CCBE1: variants seen among roughly 807,000 people sequenced by gnomAD.
CCBE1 encodes collagen and calcium-binding EGF domain-containing protein 1.
Under a neutral mutation model 50.0 loss-of-function variants are expected in CCBE1, and 37 were observed. That is an observed-to-expected ratio of 0.74 (90% CI 0.57 to 0.97). The LOEUF (loss-of-function observed/expected upper bound fraction) is 0.97, where lower values mean the gene tolerates loss of function less well. Ranked by LOEUF, CCBE1 falls within the 50% of genes least tolerant of loss-of-function variation. The pLI is 0.00. For missense variants in CCBE1, 538 were observed against 523.8 expected (o/e 1.03, Z -0.26); for synonymous variants, 234 against 203.7 (o/e 1.15, Z -1.27).
intron 2 of CCBE1, among the ~76,000 whole-genome samples, chr18:59,492,407 T>C (rs1302576003): frequency 6.6e-6 from 1 of 152,044 alleles, no homozygotes; most frequent in African/African-American, 2.4e-5. Context: ...AAGGTAACAT[T>C]TCCCAGCCTC....
intron 7 of CCBE1, among the ~76,000 whole-genome samples, chr18:59,441,856 T>C (rs1910441104): frequency 6.6e-6 from 1 of 152,148 alleles, no homozygotes; most frequent in Non-Finnish European, 1.5e-5. Flanking sequence ...AGAGGTGAGA[T>C]AATATCGAAC....
At chr18:59,589,870 A>G (rs1466026525) in intron 2 of CCBE1, among the ~76,000 whole-genome samples, 2 of 151,362 alleles carry the variant, frequency 1.3e-5, no homozygotes, top group Non-Finnish European at 2.9e-5. Context: ...AGGAGTGTAT[A>G]TTTGCTCAAC....
At chr18:59,567,687 T>TC (rs987266763) in intron 2 of CCBE1, among the ~76,000 whole-genome samples, 4 of 152,194 alleles carry the variant, frequency 2.6e-5, no homozygotes, top group Non-Finnish European at 5.9e-5. Context: ...GCTGATGATA[T>TC]CCTACGTTCT....
At position 59,448,021 on chromosome 18, in the gene CCBE1, G is replaced by A; in HGVS notation, c.737C>T (p.Pro246Leu). Residue 246 changes from proline to leucine, a missense_variant, in exon 7 of 11, where the codon CCA (proline) becomes CTA (leucine). Transcript: ENST00000439986. ...GCCCCCAGGCAGGCCAGGAGGTCCT[G>A]GAAGGTAGGTGTTTGAGGCCAGCAC... The part of the protein sequence containing the change: ...DKVLASNTYL[P>L]GPPGLPGGQG... 2 of 1,614,222 alleles carry A rather than the reference G, an allele frequency of 1.2e-6. No individual in the cohort carries two copies. The highest frequency in any genetic ancestry group is 1.7e-6 in the Non-Finnish European group (2 of 1,180,050).
At chr18:59,468,481 T>C (rs143312572) in intron 4 of CCBE1, among the ~76,000 whole-genome samples, 315 of 152,300 alleles carry the variant, frequency 2.1e-3, no homozygotes, top group African/African-American at 7.0e-3. Flanking sequence ...GGCCTGTACC[T>C]TTCTCTGCAG....
intron 4 of CCBE1, among the ~76,000 whole-genome samples, chr18:59,468,837 GT>G (rs57118468): frequency 0.085 from 10,568 of 124,018 alleles, 819 homozygotes; most frequent in East Asian, 0.4. Flanking sequence ...AAAAGGCCAG[GT>G]TTTTTTTTTT....
intron 2 of CCBE1, among the ~76,000 whole-genome samples, chr18:59,679,311 T>C (rs1451906314): frequency 6.6e-6 from 1 of 152,210 alleles, no homozygotes; most frequent in African/African-American, 2.4e-5. Flanking sequence ...TAAGAGAAAT[T>C]ACTCCACAAA....
chr18:59,545,964 T>C (rs79296260), intron 2 of CCBE1, among the ~76,000 whole-genome samples: 4,808 of 152,288 alleles, frequency 0.032, 111 homozygotes, highest in Middle Eastern at 0.085. Context: ...AATGAACTAA[T>C]ACAATCAACA....
At chr18:59,627,503 C>G (rs961505585) in intron 2 of CCBE1, among the ~76,000 whole-genome samples, 4 of 152,174 alleles carry the variant, frequency 2.6e-5, no homozygotes, top group Admixed American at 6.5e-5. Context: ...GGTGTTATTT[C>G]TTATTTGGAA....
intron 2 of CCBE1, among the ~76,000 whole-genome samples, chr18:59,509,912 AAGGGGAAGGCCAGGG>A (rs1914057722): frequency 6.6e-6 from 1 of 152,210 alleles, no homozygotes; most frequent in Non-Finnish European, 1.5e-5. Context: ...GGGATGGTCT[AAGGGGAAGGCCAGGG>A]AGGGGAGTGG....
intron 2 of CCBE1, among the ~76,000 whole-genome samples, chr18:59,525,688 T>C (rs1431177284): frequency 6.6e-6 from 1 of 152,212 alleles, no homozygotes; most frequent in African/African-American, 2.4e-5. Context: ...CTGAATGGTA[T>C]TGCTTTGATT....
intron 2 of CCBE1, among the ~76,000 whole-genome samples, chr18:59,605,517 T>G (rs1156703898): frequency 1.3e-5 from 2 of 152,174 alleles, no homozygotes; most frequent in African/African-American, 4.8e-5. Context: ...GGATAACTCT[T>G]AGGTTGGCCA....
intron 2 of CCBE1, among the ~76,000 whole-genome samples, chr18:59,671,809 G>T (rs187220684): frequency 7.9e-6 from 1 of 126,286 alleles, no homozygotes; most frequent in Non-Finnish European, 1.7e-5. Flanking sequence ...ATGGTGGGAA[G>T]GTTAAAAAAA....
chr18:59,433,167 G>A lies in CCBE1; in HGVS notation c.*2741C>T. ...GATAAAGAGCACCCCACCCTAAAAA[G>A]AAATTTTTTCTTTTTAAAAAGTCTC... On this transcript the variant is annotated 3_prime_UTR_variant, in exon 11 of 11. Transcript: ENST00000439986. The A allele has an allele frequency of 6.6e-6, 1 of 152,158 alleles. No individual in the cohort carries two copies. Among genetic ancestry groups the A allele is most frequent in the Non-Finnish European group, 1.5e-5 (1 of 67,970 alleles). The allele number at this position is 152,158 out of a possible 1,614,324, so 9.4% of individuals were successfully genotyped here.
At chr18:59,585,800 C>A (rs2053171186) in intron 2 of CCBE1, among the ~76,000 whole-genome samples, 1 of 152,162 alleles carries the variant, frequency 6.6e-6, no homozygotes, top group Non-Finnish European at 1.5e-5. Flanking sequence ...CACACATAGG[C>A]ATTAATATCA....
intron 2 of CCBE1, among the ~76,000 whole-genome samples, chr18:59,497,713 T>C (rs972183156): frequency 6.6e-5 from 10 of 152,136 alleles, no homozygotes; most frequent in Admixed American, 2.6e-4. Flanking sequence ...GTGGTGTCCA[T>C]CACTTCCTAT....
intron 7 of CCBE1, among the ~76,000 whole-genome samples, chr18:59,443,696 T>C (rs1910546676): frequency 6.6e-6 from 1 of 152,172 alleles, no homozygotes; most frequent in Non-Finnish European, 1.5e-5. Flanking sequence ...CTTGAACTCC[T>C]GACCTCAAGT....
intron 5 of CCBE1, among the ~76,000 whole-genome samples, chr18:59,459,945 A>C (rs1225645670): frequency 6.6e-6 from 1 of 152,222 alleles, no homozygotes; most frequent in Non-Finnish European, 1.5e-5. Context: ...TGGCCATCTG[A>C]CACTGACCTG....
chr18:59,537,648 G>A (rs1030126068), intron 2 of CCBE1, among the ~76,000 whole-genome samples: 1 of 152,170 alleles, frequency 6.6e-6, no homozygotes, highest in Non-Finnish European at 1.5e-5. Context: ...CATCAGCAGT[G>A]TGAAAATGGA....
Sources: allele counts gnomAD v4.1 joint callset (sites outside exome capture counted in the v4.1 genomes callset), GRCh38; gene constraint gnomAD v4.1.1; transcripts MANE v1.5; gene names NCBI Gene and HGNC (gene_info 2026-07-23, HGNC 2026-07-21).